The following PRELID3A variants were observed in gnomAD, a reference collection of about 807,000 sequenced individuals.
PRELID3A encodes PRELI domain containing 3A.
In PRELID3A, 27 loss-of-function variants were observed where a neutral mutation model predicts 23.0. The observed-to-expected ratio is 1.17, with a 90% confidence interval of 0.87 to 1.62. The LOEUF is 1.62. Among genes scored for constraint, PRELID3A ranks in the 40% most tolerant of loss-of-function variants. The pLI is 0.00. For synonymous variants in PRELID3A, 87 were observed against 86.4 expected, an observed-to-expected ratio of 1.01 and a Z score of -0.04; for missense variants, 231 against 231.4, an observed-to-expected ratio of 1.00 and a Z score of 0.01.
At chr18:12,429,909 C>T (rs1466905283) in intron 6 of PRELID3A, among the ~76,000 whole-genome samples, 1 of 152,266 alleles carries the variant, frequency 6.6e-6, no homozygotes, top group Admixed American at 6.5e-5. Flanking sequence ...CAGTGGAAGC[C>T]TTTCTGGCGT....
intron 1 of PRELID3A, among the ~76,000 whole-genome samples, chr18:12,410,465 G>A (rs565281554): frequency 6.6e-6 from 1 of 152,322 alleles, no homozygotes; most frequent in Admixed American, 6.5e-5. Context: ...GGTTATGAAT[G>A]ATGTGGTACC....
chr18:12,417,899 A>G (rs2030015822), intron 1 of PRELID3A, among the ~76,000 whole-genome samples: 1 of 152,204 alleles, frequency 6.6e-6, no homozygotes, highest in Non-Finnish European at 1.5e-5. Flanking sequence ...ACACAATTGC[A>G]TGGTTCAAAA....
At chr18:12,428,079 A>T (rs899220529) in intron 5 of PRELID3A, among the ~76,000 whole-genome samples, 2 of 152,228 alleles carry the variant, frequency 1.3e-5, no homozygotes, top group African/African-American at 4.8e-5. Flanking sequence ...GAACCTCTCC[A>T]GCAGTGACGC....
intron 1 of PRELID3A, among the ~76,000 whole-genome samples, chr18:12,411,048 T>G (rs1417300914): frequency 6.6e-6 from 1 of 152,040 alleles, no homozygotes; most frequent in African/African-American, 2.4e-5. Context: ...GTGTCCACAT[T>G]GAGAAGAAAC....
At chr18:12,426,501 C>T (rs182015724) in intron 3 of PRELID3A, among the ~76,000 whole-genome samples, 298 of 136,092 alleles carry the variant, frequency 2.2e-3, no homozygotes, top group Non-Finnish European at 3.3e-3. Flanking sequence ...TTTCAGTGAG[C>T]CGAGATCGCG....
intron 1 of PRELID3A, among the ~76,000 whole-genome samples, chr18:12,414,128 C>G (rs928770952): frequency 2.0e-5 from 3 of 151,976 alleles, no homozygotes; most frequent in African/African-American, 7.2e-5. Flanking sequence ...GCCGGCGCCC[C>G]CCAGACACCC....
chr18:12,411,335 G>A (rs991225649), intron 1 of PRELID3A, among the ~76,000 whole-genome samples: 3 of 151,582 alleles, frequency 2.0e-5, no homozygotes, highest in Non-Finnish European at 2.9e-5. Flanking sequence ...GCGTGGTGGC[G>A]GGTGCCTGTA....
chr18:12,416,695 G>C (rs1476853443), intron 1 of PRELID3A, among the ~76,000 whole-genome samples: 2 of 149,640 alleles, frequency 1.3e-5, no homozygotes, highest in Non-Finnish European at 3.0e-5. Context: ...GCCCAGGGTG[G>C]AGTGCAGTGG....
chr18:12,430,010 G>A (rs972067289), intron 6 of PRELID3A, among the ~76,000 whole-genome samples: 2 of 152,272 alleles, frequency 1.3e-5, no homozygotes, highest in South Asian at 4.1e-4. Flanking sequence ...CGGCCACCAG[G>A]GCCTGATCCC....
Position 12,429,446 on chromosome 18 carries a change from G to T in PRELID3A, c.*33+10G>T. ...CTTGTCATAAATGGTGGTGAGTACA[G>T]TATTCACTCACCTGGGGGGGTACTT... On this transcript the variant is annotated intron_variant, in intron 6 of 6. Transcript: ENST00000440960. 2 of 1,547,460 alleles carry T rather than the reference G, an allele frequency of 1.3e-6. No individual in the cohort carries two copies. Among genetic ancestry groups the T allele is most frequent in the Non-Finnish European group, 1.8e-6 (2 of 1,120,134 alleles).
In PRELID3A at chr18:12,429,432, T is replaced by C. The variant is rs773540984; in HGVS notation, c.*29T>C. On this transcript the variant is annotated 3_prime_UTR_variant, in exon 6 of 7. Coordinates refer to ENST00000440960, the MANE Select transcript of PRELID3A (RefSeq NM_001142405.2). ...GGCCTGTGCCTGTGCTTGTCATAAA[T>C]GGTGGTGAGTACAGTATTCACTCAC... is the stretch of plus-strand genomic sequence containing the variant. 6.2e-7 allele frequency: 1 copy of C among 1,603,086 alleles called. No individual in the cohort carries two copies. The highest frequency in any genetic ancestry group is 8.5e-7 in the Non-Finnish European group (1 of 1,170,630).
At chr18:12,429,900 A>G (rs544812588) in intron 6 of PRELID3A, among the ~76,000 whole-genome samples, 190 of 152,356 alleles carry the variant, frequency 1.2e-3, no homozygotes, top group Non-Finnish European at 7.9e-4. Context: ...TCCTTTTAGC[A>G]GTGGAAGCCT....
chr18:12,416,469 C>T (rs1325468315), intron 1 of PRELID3A, among the ~76,000 whole-genome samples: 1 of 152,086 alleles, frequency 6.6e-6, no homozygotes, highest in African/African-American at 2.4e-5. Context: ...GGTGTGCCAC[C>T]ATGCCTGGTT....
chr18:12,408,234 C>T (rs549659275), intron 1 of PRELID3A, among the ~76,000 whole-genome samples: 1 of 151,846 alleles, frequency 6.6e-6, no homozygotes, highest in Non-Finnish European at 1.5e-5. Flanking sequence ...GGCCTCTCCC[C>T]CGGCGTGCGC....
chr18:12,420,714 G>A (rs1487267946), intron 2 of PRELID3A, among the ~76,000 whole-genome samples: 2 of 125,504 alleles, frequency 1.6e-5, no homozygotes, highest in East Asian at 5.2e-4. Context: ...TGGGGGGCTG[G>A]TGGGAGGGTT....
chr18:12,408,159 C>G, intron 1 of PRELID3A, 152 bp downstream of exon 1: 1 of 674,458 alleles, frequency 1.5e-6, no homozygotes, highest in Non-Finnish European at 2.1e-6. Flanking sequence ...GCAACTTCGG[C>G]GTCCCGGAGA....
intron 2 of PRELID3A, 71 bp downstream of exon 2, chr18:12,420,564 T>TC: frequency 5.1e-6 from 7 of 1,367,212 alleles, no homozygotes; most frequent in Non-Finnish European, 9.5e-7. Context: ...CTCTCCCGCG[T>TC]CCCTCCTCCC....
Position 12,426,356 on chromosome 18 carries a change from C to T in PRELID3A, c.292-685C>T, listed in dbSNP as rs544713684. Among the ~76,000 whole-genome samples, 146 of 150,910 alleles carry T rather than the reference C, an allele frequency of 9.7e-4. 1 individual carries two copies. In the East Asian group the frequency reaches 0.013, roughly 13 times the overall value. On this transcript the variant is annotated intron_variant, in intron 3 of 6. Coordinates refer to ENST00000440960, the MANE Select transcript of PRELID3A (RefSeq NM_001142405.2). ...GATCACGAGGTCAGGAGATCGAGAC[C>T]ATCCTGGCTAACACGGTGAAACTCC...
intron 2 of PRELID3A, 66 bp downstream of exon 2, chr18:12,420,559 C>T (rs2030137571): frequency 2.8e-6 from 4 of 1,416,552 alleles, no homozygotes; most frequent in Non-Finnish European, 3.7e-6. Flanking sequence ...CCGCCCTCTC[C>T]CGCGTCCCTC....
Sources: allele counts gnomAD v4.1 joint callset (sites outside exome capture counted in the v4.1 genomes callset), GRCh38; gene constraint gnomAD v4.1.1; transcripts MANE v1.5; gene names NCBI Gene and HGNC (gene_info 2026-07-23, HGNC 2026-07-21).